Variants in SLC9A4 observed in about 807,000 individuals in gnomAD.
SLC9A4 encodes solute carrier family 9 member A4.
Under a neutral mutation model 67.4 loss-of-function variants are expected in SLC9A4, and 63 were observed. The ratio of observed to expected loss-of-function variants is 0.93; its 90% CI spans 0.76 to 1.15. The LOEUF (loss-of-function observed/expected upper bound fraction) is 1.15, where lower values mean the gene tolerates loss of function less well. Ranked by LOEUF, SLC9A4 falls within the 50% of genes most tolerant of loss-of-function variation. SLC9A4 has a pLI of 0.00. For missense variants in SLC9A4, 1,089 were observed against 987.7 expected (o/e 1.10, Z -1.38); for synonymous variants, 393 against 367.2 (o/e 1.07, Z -0.80).
intron 4 of SLC9A4, 36 bp downstream of exon 4, chr2:102,505,507 G>C: frequency 6.3e-7 from 1 of 1,593,332 alleles, no homozygotes. Flanking sequence ...CTCCGGTCCT[G>C]CTGCATTTTC....
intron 6 of SLC9A4, among the ~76,000 whole-genome samples, chr2:102,509,577 T>C (rs1685117202): frequency 6.6e-6 from 1 of 152,228 alleles, no homozygotes; most frequent in Admixed American, 6.5e-5. Flanking sequence ...ATCTTCCTTC[T>C]ATCCCAATAC....
chr2:102,505,191 G>C (rs747784011), intron 3 of SLC9A4, 63 bp from the exon 4 acceptor site: 3 of 1,492,660 alleles, frequency 2.0e-6, no homozygotes, highest in Admixed American at 3.7e-5. Context: ...TGCCTGTGGG[G>C]AGGGCGTTTT....
Position 102,503,656 on chromosome 2 carries a change from G to A in SLC9A4, c.929G>A (p.Ser310Asn), listed in dbSNP as rs1558666116. 2 of 1,614,180 alleles carry A rather than the reference G, an allele frequency of 1.2e-6. No individual in the cohort carries two copies. Among genetic ancestry groups the A allele is most frequent in the East Asian group, 2.2e-5 (1 of 44,882 alleles). The change falls in exon 3 of 12, where the codon AGC becomes AAC. Residue 310 changes from serine (S) to asparagine (N), a missense_variant. By Grantham distance (46) the Ser-to-Asn change is conservative (BLOSUM62 1). Transcript: ENST00000295269. Reference protein sequence around the residue: ...AIEPLIVFMFSYLSYLAAETL... With the variant: ...AIEPLIVFMFNYLSYLAAETL... Reference sequence around the variant, plus strand: ...GAGCCACTCATCGTCTTCATGTTCAGCTATTTGTCTTACTTAGCTGCTGAA... The same window carrying A: ...GAGCCACTCATCGTCTTCATGTTCAACTATTTGTCTTACTTAGCTGCTGAA...
In SLC9A4 at chr2:102,512,255, A is replaced by G; in HGVS notation, c.1541A>G (p.His514Arg). The G allele has an allele frequency of 6.2e-7, 1 of 1,614,146 alleles. No homozygotes were observed. Among genetic ancestry groups the G allele is most frequent in the Admixed American group, 1.7e-5 (1 of 60,026 alleles). ...GIEDVCGHWS[H>R]YQVRDKFKKF... Reference sequence around the variant, plus strand: ...GAAGATGTGTGTGGGCACTGGAGTCACTACCAAGTGAGAGACAAGTAAGGA... The same window carrying G: ...GAAGATGTGTGTGGGCACTGGAGTCGCTACCAAGTGAGAGACAAGTAAGGA... The change falls in exon 7 of 12, where the codon CAC becomes CGC. Residue 514 changes from histidine to arginine, a missense_variant. Coordinates refer to ENST00000295269, the MANE Select transcript of SLC9A4 (RefSeq NM_001011552.4).
intron 9 of SLC9A4, 107 bp from the exon 10 acceptor site, chr2:102,524,917 T>G: frequency 7.5e-7 from 1 of 1,342,038 alleles, no homozygotes; most frequent in South Asian, 1.3e-5. Flanking sequence ...ACCTCCAAGG[T>G]GCTCACCTGT....
At chr2:102,474,803 A>C (rs1297600589) in intron 1 of SLC9A4, among the ~76,000 whole-genome samples, 1 of 152,246 alleles carries the variant, frequency 6.6e-6, no homozygotes, top group Non-Finnish European at 1.5e-5. Flanking sequence ...AATGCTAAGC[A>C]CAATGCCTCC....
At chr2:102,508,352 A>G in intron 5 of SLC9A4, 71 bp downstream of exon 5, 1 of 1,331,756 alleles carries the variant, frequency 7.5e-7, no homozygotes, top group Non-Finnish European at 1.0e-6. Context: ...GTAAAATACA[A>G]ATAAAGGCAT....
chr2:102,499,527 T>G (rs1045955875), intron 2 of SLC9A4, among the ~76,000 whole-genome samples: 1 of 152,172 alleles, frequency 6.6e-6, no homozygotes, highest in Non-Finnish European at 1.5e-5. Flanking sequence ...ATGGTATGTG[T>G]GTGTGTCTGT....
intron 2 of SLC9A4, among the ~76,000 whole-genome samples, chr2:102,493,888 G>A (rs1230175061): frequency 6.6e-6 from 1 of 151,812 alleles, no homozygotes; most frequent in African/African-American, 2.4e-5. Context: ...TTTCACCTCA[G>A]ACTACTTCCC....
At position 102,493,985 on chromosome 2, in the gene SLC9A4, A is replaced by G. The variant is rs1684756844; in HGVS notation, c.721-9463A>G. The stretch of plus-strand genomic sequence containing the variant: ...TCCCCTGTTAAAAGTAATGTAGTCA[A>G]ACAAGACTAAACCCTTCCTCAGATG... On this transcript the variant is annotated intron_variant, in intron 2 of 11. Coordinates refer to ENST00000295269, the MANE Select transcript of SLC9A4 (RefSeq NM_001011552.4). 2.0e-5 allele frequency among the ~76,000 whole-genome samples: 3 copies of G among 151,930 alleles called. 1 individual carries two copies. Among genetic ancestry groups the G allele is most frequent in the Admixed American group, 6.5e-5 (1 of 15,278 alleles).
At chr2:102,487,610 G>A (rs1235661812) in intron 2 of SLC9A4, among the ~76,000 whole-genome samples, 1 of 152,216 alleles carries the variant, frequency 6.6e-6, no homozygotes, top group African/African-American at 2.4e-5. Flanking sequence ...TTTTCTTCTG[G>A]CTAAATAAAC....
intron 2 of SLC9A4, among the ~76,000 whole-genome samples, chr2:102,483,284 A>T (rs1215416830): frequency 1.3e-5 from 2 of 152,186 alleles, no homozygotes; most frequent in African/African-American, 2.4e-5. Flanking sequence ...AAGTGAAACC[A>T]GAGAAGCCCC....
chr2:102,486,169 T>A (rs895835456), intron 2 of SLC9A4, among the ~76,000 whole-genome samples: 1 of 152,250 alleles, frequency 6.6e-6, no homozygotes, highest in Non-Finnish European at 1.5e-5. Flanking sequence ...ATATGCTTCA[T>A]TGCAGGTCCT....
At position 102,473,930 on chromosome 2, in the gene SLC9A4, ATC is replaced by A. The variant is rs764448522; in HGVS notation, c.173_174del (p.Ser58CysfsTer3). On this transcript the variant is annotated frameshift_variant, in exon 1 of 12. Transcript: ENST00000295269. LOFTEE classifies it high-confidence loss of function. ...CCAGCTCAGAGCCAGAGGAAGGGATATCTGTTTTTGAACTGGATTATGACTAT... is the reference window on the plus strand; with the variant it reads ...CCAGCTCAGAGCCAGAGGAAGGGATATGTTTTTGAACTGGATTATGACTAT... ...AASSEPEEGISVFELDYDYVQ... is the reference protein window; with the variant it reads ...AASSEPEEGIXVFELDYDYVQ... 2.5e-6 allele frequency: 4 copies of A among 1,614,098 alleles called. No homozygotes were observed. In the African/African-American group the frequency reaches 5.3e-5, roughly 22 times the overall value.
chr2:102,519,988 T>A (rs988394206), intron 9 of SLC9A4, 33 bp downstream of exon 9: 24 of 1,581,788 alleles, frequency 1.5e-5, no homozygotes, highest in Non-Finnish European at 4.3e-6. Flanking sequence ...GTCCCCATTT[T>A]CTGTCCTTGA....
intron 2 of SLC9A4, among the ~76,000 whole-genome samples, chr2:102,483,439 G>A (rs1317172025): frequency 6.6e-6 from 1 of 152,202 alleles, no homozygotes; most frequent in Non-Finnish European, 1.5e-5. Context: ...TTTTCGGCAA[G>A]GAGGCTGAGT....
At chr2:102,513,965 G>A (rs1685220883) in intron 7 of SLC9A4, 125 bp from the exon 8 acceptor site, 1 of 1,281,578 alleles carries the variant, frequency 7.8e-7, no homozygotes, top group African/African-American at 1.5e-5. Context: ...ATGAATTCCA[G>A]GCACTGTCCT....
intron 2 of SLC9A4, among the ~76,000 whole-genome samples, chr2:102,488,235 G>A (rs1396546322): frequency 6.6e-6 from 1 of 152,040 alleles, no homozygotes; most frequent in Non-Finnish European, 1.5e-5. Flanking sequence ...TTGGGCTGCA[G>A]TGGGAAAAAA....
At chr2:102,492,501 A>C (rs1684723766) in intron 2 of SLC9A4, among the ~76,000 whole-genome samples, 1 of 152,228 alleles carries the variant, frequency 6.6e-6, no homozygotes, top group Non-Finnish European at 1.5e-5. Context: ...ACACCCTCTG[A>C]AGCAATGACC....
Sources: gnomAD v4.1 joint callset for allele counts (sites outside exome capture counted in the v4.1 genomes callset) on GRCh38, gnomAD v4.1.1 for gene constraint, MANE v1.5 for transcripts, NCBI Gene and HGNC (gene_info 2026-07-23, HGNC 2026-07-21) for gene names.